TMEM132D: variants seen among roughly 807,000 people sequenced by gnomAD.
TMEM132D encodes the protein transmembrane protein 132D.
A neutral mutation model predicts 62.3 loss-of-function variants in TMEM132D; 21 were observed. The observed-to-expected ratio is 0.34, with a 90% confidence interval of 0.24 to 0.49. The LOEUF is 0.49. Ranked by LOEUF, TMEM132D falls within the 20% of genes least tolerant of loss-of-function variation. The pLI is 0.99. For synonymous variants in TMEM132D, 621 were observed against 575.6 expected (o/e 1.08, Z -1.13); for missense variants, 1,346 against 1,402.8 (o/e 0.96, Z 0.65).
intron 4 of TMEM132D, among the ~76,000 whole-genome samples, chr12:129,236,891 G>A (rs1218874175): frequency 6.6e-6 from 1 of 152,042 alleles, no homozygotes; most frequent in East Asian, 1.9e-4. Flanking sequence ...TTATGTTGAG[G>A]TAAATTCCTT....
intron 3 of TMEM132D, among the ~76,000 whole-genome samples, chr12:129,497,733 C>T (rs1458631067): frequency 6.6e-6 from 1 of 151,810 alleles, no homozygotes; most frequent in African/African-American, 2.4e-5. Context: ...GATCACAGCT[C>T]GCTACAGCCT....
At chr12:129,902,675 G>GA (rs1875398937) in intron 1 of TMEM132D, among the ~76,000 whole-genome samples, 1 of 152,188 alleles carries the variant, frequency 6.6e-6, no homozygotes, top group Non-Finnish European at 1.5e-5. Flanking sequence ...ACGGAAGGGT[G>GA]AGCGCCAGAC....
chr12:129,470,137 G>A (rs1473251499), intron 3 of TMEM132D, among the ~76,000 whole-genome samples: 2 of 152,146 alleles, frequency 1.3e-5, no homozygotes, highest in African/African-American at 4.8e-5. Context: ...TCTCTCTATA[G>A]ACAGCTCATA....
chr12:129,352,655 A>G (rs1869907321), intron 3 of TMEM132D, among the ~76,000 whole-genome samples: 1 of 152,204 alleles, frequency 6.6e-6, no homozygotes. Context: ...CAAACATATG[A>G]AAAAAAGCTC....
chr12:129,767,833 T>C (rs10847940), intron 1 of TMEM132D, among the ~76,000 whole-genome samples: 146,497 of 152,282 alleles, frequency 0.96, 70,722 homozygotes, highest in East Asian at 1. Flanking sequence ...TACCAAGACT[T>C]GGTAATTCAC....
intron 2 of TMEM132D, among the ~76,000 whole-genome samples, chr12:129,667,070 A>G (rs1237814973): frequency 6.6e-6 from 1 of 152,206 alleles, no homozygotes; most frequent in Non-Finnish European, 1.5e-5. Flanking sequence ...GGTTTTTTCC[A>G]TAGGTTAAAA....
At chr12:129,713,002 G>A (rs1257628351) in intron 1 of TMEM132D, among the ~76,000 whole-genome samples, 1 of 152,174 alleles carries the variant, frequency 6.6e-6, no homozygotes, top group African/African-American at 2.4e-5. Flanking sequence ...TTTAGCCACT[G>A]TTACTTAGCA....
intron 3 of TMEM132D, chr12:129,521,553 G>A (rs1875848017): frequency 6.6e-6 from 1 of 152,138 alleles, no homozygotes; most frequent in Admixed American, 6.5e-5. Context: ...AAGGTAACCA[G>A]GTACTTCGTA....
At chr12:129,462,266 G>T (rs34614588) in intron 3 of TMEM132D, among the ~76,000 whole-genome samples, 7 of 151,982 alleles carry the variant, frequency 4.6e-5, no homozygotes, top group Non-Finnish European at 1.0e-4. Flanking sequence ...GACGCACTTA[G>T]GAAGCACACT....
chr12:129,696,298 C>G (rs1881205929), intron 2 of TMEM132D, among the ~76,000 whole-genome samples: 1 of 152,236 alleles, frequency 6.6e-6, no homozygotes, highest in African/African-American at 2.4e-5. Context: ...CCAACCTGGT[C>G]TTAAAGCCAA....
At chr12:129,229,142 G>A (rs905526809) in intron 4 of TMEM132D, among the ~76,000 whole-genome samples, 1 of 152,192 alleles carries the variant, frequency 6.6e-6, no homozygotes, top group Non-Finnish European at 1.5e-5. Flanking sequence ...CAACAACGGA[G>A]GCTAAAACTT....
intron 1 of TMEM132D, among the ~76,000 whole-genome samples, chr12:129,877,628 C>CACACACAGAGAGAGAG (rs869172595): frequency 2.7e-5 from 4 of 146,852 alleles, no homozygotes; most frequent in African/African-American, 1.0e-4. Flanking sequence ...CACACACACA[C>CACACACAGAGAGAGAG]AGAGAGAGAG....
intron 4 of TMEM132D, among the ~76,000 whole-genome samples, chr12:129,271,404 A>T (rs1335865325): frequency 2.0e-5 from 3 of 151,310 alleles, no homozygotes; most frequent in African/African-American, 4.9e-5. Flanking sequence ...ATTTTTTTTT[A>T]AATTTTACTT....
At chr12:129,742,982 G>A (rs1024440929) in intron 1 of TMEM132D, among the ~76,000 whole-genome samples, 1 of 152,234 alleles carries the variant, frequency 6.6e-6, no homozygotes, top group African/African-American at 2.4e-5. Context: ...TGTCTAAATT[G>A]ACTGAAGATC....
chr12:129,647,121 CAT>C (rs34158444), intron 2 of TMEM132D, among the ~76,000 whole-genome samples: 115,564 of 146,348 alleles, frequency 0.79, 47,802 homozygotes, highest in Non-Finnish European at 0.93. Context: ...TACATACATA[CAT>C]ATATATATAT....
chr12:129,450,310 T>C (rs1873234796), intron 3 of TMEM132D, among the ~76,000 whole-genome samples: 1 of 152,212 alleles, frequency 6.6e-6, no homozygotes, highest in South Asian at 2.1e-4. Flanking sequence ...TTGCCTAGGT[T>C]TTCTTCCAGA....
intron 5 of TMEM132D, among the ~76,000 whole-genome samples, chr12:129,090,864 C>T (rs1325478833): frequency 3.3e-5 from 5 of 152,118 alleles, no homozygotes; most frequent in Admixed American, 2.0e-4. Context: ...CCAGTCCTTC[C>T]CACCCCACAG....
In TMEM132D at chr12:129,641,687, A is replaced by G. The variant is rs80050004; in HGVS notation, c.968+58123T>C. Among the ~76,000 whole-genome samples the G allele has an allele frequency of 3.0e-3, 459 of 152,204 alleles. 2 individuals carry two copies. The highest frequency in any genetic ancestry group is 0.01 in the African/African-American group (426 of 41,528). ...AGTGCATCTGCTCTGCCAGGGCCAG[A>G]GTGACATGGAGCCCTGAGACTCCCA... is the stretch of plus-strand genomic sequence containing the variant. On this transcript the variant is annotated intron_variant, in intron 2 of 8. Coordinates refer to ENST00000422113, the MANE Select transcript of TMEM132D (RefSeq NM_133448.3).
intron 5 of TMEM132D, among the ~76,000 whole-genome samples, chr12:129,183,863 T>C (rs1467843959): frequency 6.6e-6 from 1 of 150,814 alleles, no homozygotes; most frequent in African/African-American, 2.4e-5. Flanking sequence ...GATAGGGGCA[T>C]GGACGATTCT....
Sources: gnomAD v4.1 joint callset for allele counts (sites outside exome capture counted in the v4.1 genomes callset) on GRCh38, gnomAD v4.1.1 for gene constraint, MANE v1.5 for transcripts, NCBI Gene and HGNC (gene_info 2026-07-23, HGNC 2026-07-21) for gene names.